The following LYSMD2 variants were observed in gnomAD, a reference collection of about 807,000 sequenced individuals.
LYSMD2 encodes lysM and putative peptidoglycan-binding domain-containing protein 2.
A neutral mutation model predicts 17.7 loss-of-function variants in LYSMD2; 6 were observed. That is an observed-to-expected ratio of 0.34 (90% CI 0.19 to 0.67). The LOEUF is 0.67. LYSMD2 is among the 30% of genes least tolerant of loss of function. The probability of loss-of-function intolerance (pLI) is 0.69; values close to 1 mark genes in which losing one functional copy is unlikely to be tolerated. For synonymous variants in LYSMD2, 102 were observed against 129.8 expected, an observed-to-expected ratio of 0.79 and a Z score of 1.45; for missense variants, 237 against 286.7, an observed-to-expected ratio of 0.83 and a Z score of 1.25.
Position 51,723,108 on chromosome 15 carries a change from G to A in LYSMD2, c.*499C>T, listed in dbSNP as rs995561966. On this transcript the variant is annotated 3_prime_UTR_variant, in exon 3 of 3. Transcript: ENST00000267838. ...TTATTTTCTCATTCAGGCTTTTGTAGTTTATTTTTACAAAATAGCAGACAA... is the reference window on the plus strand; with the variant it reads ...TTATTTTCTCATTCAGGCTTTTGTAATTTATTTTTACAAAATAGCAGACAA... 1 of 151,276 alleles carries A rather than the reference G, an allele frequency of 6.6e-6. No individual in the cohort carries two copies. Among genetic ancestry groups the A allele is most frequent in the East Asian group, 1.9e-4 (1 of 5,178 alleles). The allele number at this position is 151,276 out of a possible 1,614,324, so 9.4% of individuals were successfully genotyped here. A position where few individuals can be genotyped will look rare whatever the true frequency, so the allele number is the denominator to read the frequency against.
At chr15:51,748,249 A>T (rs2055678045) in intron 1 of LYSMD2, among the ~76,000 whole-genome samples, 1 of 141,820 alleles carries the variant, frequency 7.1e-6, no homozygotes, top group Non-Finnish European at 1.5e-5. Flanking sequence ...GTGACAGAAC[A>T]AGACTCCGTC....
intron 1 of LYSMD2, among the ~76,000 whole-genome samples, chr15:51,743,425 A>T (rs2055652816): frequency 6.6e-6 from 1 of 152,240 alleles, no homozygotes. Flanking sequence ...TTTGTCAAGA[A>T]TCAGCTAACT....
At position 51,724,899 on chromosome 15, in the gene LYSMD2, C is replaced by T. The variant is rs780211118; in HGVS notation, c.496G>A (p.Val166Ile). The T allele has an allele frequency of 1.9e-6, 3 of 1,614,108 alleles. No individual in the cohort carries two copies. The highest frequency in any genetic ancestry group is 2.2e-5 in the East Asian group (1 of 44,888). The change falls in exon 2 of 3, where the codon GTT (valine) becomes ATT (isoleucine). Residue 166 changes from valine (V) to isoleucine (I), a missense_variant. Coordinates refer to ENST00000267838, the MANE Select transcript of LYSMD2 (RefSeq NM_153374.3). Reference protein sequence around the residue: ...LPPPSPQESDVQPVQPEEVSA... With the variant: ...LPPPSPQESDIQPVQPEEVSA... ...ACTTCCTCAGGCTGCACAGGCTGAA[C>T]ATCAGATTCTTGAGGACTGGGAGGA...
upstream of LYSMD2, chr15:51,737,672 C>G (rs2055620588): frequency 8.5e-7 from 1 of 1,177,458 alleles, no homozygotes; most frequent in African/African-American, 1.6e-5. This position sits in a 1 kb window ranked among gnomAD's most constrained non-coding sequence, Gnocchi z 4.2. Context: ...GGGGCGGCGC[C>G]TCCTCCTCCT....
At chr15:51,740,829 AAAAG>A (rs771958541), upstream of LYSMD2, among the ~76,000 whole-genome samples, 26 of 152,302 alleles carry the variant, frequency 1.7e-4, no homozygotes, top group Non-Finnish European at 3.2e-4. Flanking sequence ...GATAAAAAAT[AAAAG>A]AAAGAAAGAA....
At chr15:51,732,529 A>C (rs1367621802) in intron 1 of LYSMD2, among the ~76,000 whole-genome samples, 1 of 152,210 alleles carries the variant, frequency 6.6e-6, no homozygotes, top group African/African-American at 2.4e-5. Context: ...TTAAGAAAAT[A>C]ATGAATGCCA....
chr15:51,747,282 A>G (rs2055673050), intron 1 of LYSMD2, among the ~76,000 whole-genome samples: 1 of 152,018 alleles, frequency 6.6e-6, no homozygotes, highest in Admixed American at 6.6e-5. Context: ...ACTTGAGGTC[A>G]GGAGTTTGAG....
intron 1 of LYSMD2, among the ~76,000 whole-genome samples, chr15:51,743,830 T>C (rs140894577): frequency 2.0e-5 from 3 of 152,346 alleles, no homozygotes; most frequent in Non-Finnish European, 4.4e-5. Context: ...AGATATTGTA[T>C]GTATACCTAA....
At position 51,737,262 on chromosome 15, in the gene LYSMD2, T is replaced by TGCCC; in HGVS notation, c.273+87_273+88insGGGC. The TGCCC allele has an allele frequency of 5.2e-5, 7 of 134,040 alleles. No individual in the cohort carries two copies. Among genetic ancestry groups the TGCCC allele is most frequent in the East Asian group, 1.9e-4 (1 of 5,308 alleles). The allele number at this position is 134,040 out of a possible 1,614,324, so 8.3% of individuals were successfully genotyped here. Reference sequence around the variant, plus strand: ...CCATCCCCCAAACCCCCACCCGCAGTCCCACCCCCACCCCCACCGCACCCC... The same window carrying TGCCC: ...CCATCCCCCAAACCCCCACCCGCAGTGCCCCCCACCCCCACCCCCACCGCACCCC... On this transcript the variant is annotated intron_variant, in intron 1 of 2. Transcript: ENST00000267838. This position sits in a 1 kb window ranked among gnomAD's most constrained non-coding sequence, Gnocchi z 4.2.
chr15:51,723,903 T>C (rs545772222), intron 2 of LYSMD2, among the ~76,000 whole-genome samples: 1 of 152,050 alleles, frequency 6.6e-6, no homozygotes, highest in African/African-American at 2.4e-5. Context: ...TTTACATATA[T>C]TTTAAATCTA....
At chr15:51,737,719 T>A (rs2055621461), upstream of LYSMD2, 1 of 923,742 alleles carries the variant, frequency 1.1e-6, no homozygotes, top group Non-Finnish European at 1.4e-6. This position sits in a 1 kb window ranked among gnomAD's most constrained non-coding sequence, Gnocchi z 4.2. Flanking sequence ...TCACAGGGGC[T>A]GCAGCAGGCC....
rs1028782175 is a variant in LYSMD2, at chr15:51,737,308, C to T, written c.273+42G>A. On this transcript the variant is annotated intron_variant, in intron 1 of 2. Transcript: ENST00000267838. This position sits in a 1 kb window ranked among gnomAD's most constrained non-coding sequence, Gnocchi z 4.2. ...ACCCCGAGCCGCACCGCCTCCTGCGCGGTAGCTGCCAGCCCGGGCCGCGGC... is the reference window on the plus strand; with the variant it reads ...ACCCCGAGCCGCACCGCCTCCTGCGTGGTAGCTGCCAGCCCGGGCCGCGGC... The T allele has an allele frequency of 6.2e-6, 8 of 1,284,040 alleles. No individual in the cohort carries two copies. Among genetic ancestry groups the T allele is most frequent in the Non-Finnish European group, 7.9e-6 (8 of 1,016,476 alleles). 79.5% of individuals were successfully genotyped at this position (1,284,040 alleles called of 1,614,324 possible). A position where few individuals can be genotyped will look rare whatever the true frequency, so the allele number is the denominator to read the frequency against.
intron 1 of LYSMD2, among the ~76,000 whole-genome samples, chr15:51,730,179 C>A (rs1325239572): frequency 6.6e-6 from 1 of 152,146 alleles, no homozygotes; most frequent in Non-Finnish European, 1.5e-5. Flanking sequence ...TTAGGTAGAA[C>A]AACTGCCATC....
intron 1 of LYSMD2, among the ~76,000 whole-genome samples, chr15:51,731,957 C>A (rs1285942366): frequency 6.6e-6 from 1 of 152,180 alleles, no homozygotes; most frequent in African/African-American, 2.4e-5. Context: ...GAGGTTTGAA[C>A]TATATTTAAC....
At chr15:51,749,085 T>C (rs1440086519) in intron 1 of LYSMD2, among the ~76,000 whole-genome samples, 2 of 152,218 alleles carry the variant, frequency 1.3e-5, no homozygotes, top group Non-Finnish European at 2.9e-5. Context: ...GGAGTTCTGT[T>C]TCAATTTTAC....
rs78704967 is a variant in LYSMD2 at position 51,731,368 on chromosome 15, A to T, written c.273+5982T>A. The stretch of plus-strand genomic sequence containing the variant: ...TTCTCTTTAACTAGCAAGGGTCAGC[A>T]ATCTCCACCAGCAGCAGGGGTTAAA... On this transcript the variant is annotated intron_variant, in intron 1 of 2. Coordinates refer to ENST00000267838, the MANE Select transcript of LYSMD2 (RefSeq NM_153374.3). Among the ~76,000 whole-genome samples, 754 of 152,362 alleles carry T rather than the reference A, an allele frequency of 4.9e-3. 26 individuals carry two copies. The East Asian group carries it at 0.082, about 17-fold the overall frequency.
At chr15:51,728,254 A>G (rs2055552882) in intron 1 of LYSMD2, among the ~76,000 whole-genome samples, 1 of 152,066 alleles carries the variant, frequency 6.6e-6, no homozygotes, top group South Asian at 2.1e-4. Flanking sequence ...TCTACTAAAA[A>G]AAAGAAATAC....
rs2055512560 is a variant in LYSMD2 at position 51,723,050 on chromosome 15, A to C, written c.*557T>G. On this transcript the variant is annotated 3_prime_UTR_variant, in exon 3 of 3. Coordinates refer to ENST00000267838, the MANE Select transcript of LYSMD2 (RefSeq NM_153374.3). ...CAATTTTATTTTCTCATTTGTTAAA[A>C]AAAAAAAGGAGACTCAAGTTTGAAA... 6.6e-6 allele frequency: 1 copy of C among 152,120 alleles called. No individual in the cohort carries two copies. Among genetic ancestry groups the C allele is most frequent in the African/African-American group, 2.4e-5 (1 of 41,454 alleles). The allele number at this position is 152,120 out of a possible 1,614,324, so 9.4% of individuals were successfully genotyped here. A position where few individuals can be genotyped will look rare whatever the true frequency, so the allele number is the denominator to read the frequency against.
chr15:51,743,215 A>G (rs2055651845), intron 1 of LYSMD2, among the ~76,000 whole-genome samples: 1 of 152,142 alleles, frequency 6.6e-6, no homozygotes, highest in Non-Finnish European at 1.5e-5. Flanking sequence ...GAGTCAAACC[A>G]TCTTCCCACC....
Sources: gnomAD v4.1 joint callset for allele counts (sites outside exome capture counted in the v4.1 genomes callset) on GRCh38, gnomAD v4.1.1 for gene constraint, Gnocchi (gnomAD v3.1) non-coding constraint, MANE v1.5 for transcripts, NCBI Gene and HGNC (gene_info 2026-07-23, HGNC 2026-07-21) for gene names.